Variants in POF1B observed in about 807,000 individuals in gnomAD.
POF1B encodes protein POF1B.
In POF1B, 53 loss-of-function variants were observed where a neutral mutation model predicts 55.3. That is an observed-to-expected ratio of 0.96 (90% CI 0.77 to 1.20). The LOEUF (loss-of-function observed/expected upper bound fraction) is 1.20. Among genes scored for constraint, POF1B ranks in the 50% most tolerant of loss-of-function variants. POF1B has a pLI of 0.00. For synonymous variants in POF1B, 188 were observed against 148.3 expected, an observed-to-expected ratio of 1.27 and a Z score of -1.95; for missense variants, 478 against 420.5, an observed-to-expected ratio of 1.14 and a Z score of -1.20.
chrX:85,336,184 A>G (rs778369633), intron 6 of POF1B, among the ~76,000 whole-genome samples: 7 of 111,167 alleles, frequency 6.3e-5, no homozygotes, highest in African/African-American at 2.3e-4. Flanking sequence ...AACTGACAGG[A>G]TATCATTCTT....
At chrX:85,326,664 C>T (rs1932901066) in intron 7 of POF1B, among the ~76,000 whole-genome samples, 1 of 109,942 alleles carries the variant, frequency 9.1e-6, no homozygotes, top group Admixed American at 9.7e-5. Context: ...TCTGCACACA[C>T]GCACTGTCAA....
intron 9 of POF1B, among the ~76,000 whole-genome samples, chrX:85,312,551 G>A (rs1244158544): frequency 5.4e-5 from 6 of 110,992 alleles, no homozygotes; most frequent in Non-Finnish European, 7.6e-5. Flanking sequence ...TTTTGGTACC[G>A]GTACCATGCT....
At chrX:85,319,877 G>A (rs1347632791) in intron 7 of POF1B, among the ~76,000 whole-genome samples, 1 of 111,516 alleles carries the variant, frequency 9.0e-6, no homozygotes, top group Non-Finnish European at 1.9e-5. Context: ...GATGATGCTG[G>A]TCTTATAGAA....
chrX:85,322,355 A>G (rs1932847534), intron 7 of POF1B, among the ~76,000 whole-genome samples: 1 of 111,338 alleles, frequency 9.0e-6, no homozygotes, highest in Non-Finnish European at 1.9e-5. Context: ...AGGATTCCCT[A>G]TTTAATAAAT....
chrX:85,359,886 A>G (rs1234215936), intron 3 of POF1B, among the ~76,000 whole-genome samples: 1 of 111,132 alleles, frequency 9.0e-6, no homozygotes, highest in East Asian at 2.8e-4. Context: ...TATATTTGAC[A>G]AGCATTTTAA....
chrX:85,314,590 A>T, intron 8 of POF1B, 84 bp from the exon 9 acceptor site: 1 of 594,563 alleles, frequency 1.7e-6, no homozygotes, highest in Non-Finnish European at 2.4e-6. Flanking sequence ...GTAATGGGAC[A>T]TATTTTAGGA....
chrX:85,347,447 C>T (rs1933295353), intron 5 of POF1B, among the ~76,000 whole-genome samples: 1 of 111,104 alleles, frequency 9.0e-6, no homozygotes, highest in Non-Finnish European at 1.9e-5. Flanking sequence ...TATACATTTA[C>T]AAACATATAT....
At chrX:85,375,307 T>G in intron 2 of POF1B, among the ~76,000 whole-genome samples, 1 of 111,824 alleles carries the variant, frequency 8.9e-6, no homozygotes, top group East Asian at 2.8e-4. Flanking sequence ...TTGTCATGAA[T>G]TGTCAAGAAA....
intron 2 of POF1B, among the ~76,000 whole-genome samples, chrX:85,369,504 A>T (rs1933785099): frequency 1.8e-5 from 2 of 111,698 alleles, no homozygotes; most frequent in Non-Finnish European, 3.8e-5. Context: ...CTTTACATAT[A>T]TACCTATGTA....
Position 85,359,543 on chromosome X carries a change from G to A in POF1B, c.438+7C>T, listed in dbSNP as rs1434342500. The A allele has an allele frequency of 1.7e-6, 2 of 1,170,480 alleles. No homozygotes were observed. The highest frequency in any genetic ancestry group is 3.7e-5 in the South Asian group (2 of 54,357). On this transcript the variant is annotated splice_region_variant and intron_variant, in intron 4 of 16. Coordinates refer to ENST00000262753, the MANE Select transcript of POF1B (RefSeq NM_024921.4). ...GAATTATATGTTGGTAAAAGTTGGT[G>A]TCTTACCTGTTCAGGATTTTGTACT... is the stretch of plus-strand genomic sequence containing the variant.
chrX:85,364,932 G>GA (rs894341714), intron 3 of POF1B, among the ~76,000 whole-genome samples: 3 of 111,764 alleles, frequency 2.7e-5, no homozygotes, highest in Non-Finnish European at 5.6e-5. Flanking sequence ...ATTCCTCAGA[G>GA]ATTTTGTTCA....
At chrX:85,332,828 G>A (rs892472687) in intron 6 of POF1B, among the ~76,000 whole-genome samples, 6 of 110,758 alleles carry the variant, frequency 5.4e-5, no homozygotes, top group African/African-American at 2.0e-4. Context: ...TCTTGTCCAT[G>A]TACCCTTTGG....
At position 85,350,731 on chromosome X, in the gene POF1B, A is replaced by C. The variant is rs1313086766; in HGVS notation, c.540+619T>G. Among the ~76,000 whole-genome samples the C allele has an allele frequency of 4.5e-5, 5 of 111,322 alleles. No homozygotes were observed. The Admixed American group carries it at 4.8e-4, about 11-fold the overall frequency. ...ACATTTATGCAGCCAAAAACACATG[A>C]AAAAATGCTCACCATCACTGGCCAT... On this transcript the variant is annotated intron_variant, in intron 5 of 16. Coordinates refer to ENST00000262753, the MANE Select transcript of POF1B (RefSeq NM_024921.4).
At chrX:85,317,099 C>A (rs1216799140) in intron 7 of POF1B, among the ~76,000 whole-genome samples, 1 of 109,767 alleles carries the variant, frequency 9.1e-6, no homozygotes, top group Non-Finnish European at 1.9e-5. Context: ...TGTAGATGTA[C>A]CACATTTCCT....
chrX:85,330,915 TACA>T, intron 7 of POF1B, 31 bp downstream of exon 7: 1 of 1,120,941 alleles, frequency 8.9e-7, no homozygotes. Context: ...GTTTGGTAGC[TACA>T]ACATCAAGGC....
At chrX:85,306,926 C>A (rs753040209) in intron 11 of POF1B, among the ~76,000 whole-genome samples, 3 of 111,759 alleles carry the variant, frequency 2.7e-5, no homozygotes, top group Non-Finnish European at 5.7e-5. Context: ...GGTCACCCAA[C>A]AAGACAAATA....
intron 15 of POF1B, among the ~76,000 whole-genome samples, chrX:85,296,257 T>C (rs927723254): frequency 6.3e-5 from 7 of 111,981 alleles, no homozygotes; most frequent in African/African-American, 6.5e-5. Flanking sequence ...TTAGTATCGA[T>C]ACGTAAGATT....
At chrX:85,356,007 C>T (rs1333476319) in intron 4 of POF1B, among the ~76,000 whole-genome samples, 1 of 111,430 alleles carries the variant, frequency 9.0e-6, no homozygotes, top group African/African-American at 3.3e-5. Context: ...GACACATGCA[C>T]ACATATGTTT....
intron 15 of POF1B, among the ~76,000 whole-genome samples, chrX:85,293,581 C>T (rs955629936): frequency 1.2e-4 from 13 of 112,054 alleles, no homozygotes; most frequent in African/African-American, 4.2e-4. Flanking sequence ...AAGCTTAGTA[C>T]ATGGGTGACA....
Sources: allele counts gnomAD v4.1 joint callset (sites outside exome capture counted in the v4.1 genomes callset), GRCh38; gene constraint gnomAD v4.1.1; transcripts MANE v1.5; gene names NCBI Gene and HGNC (gene_info 2026-07-23, HGNC 2026-07-21).